HENMT1: variants seen among roughly 807,000 people sequenced by gnomAD.
HENMT1 encodes the protein small RNA 2'-O-methyltransferase.
HENMT1 carries 27 observed loss-of-function variants against 31.1 expected under a neutral mutation model. That is an observed-to-expected ratio of 0.87 (90% CI 0.64 to 1.20). The LOEUF is 1.20. Among genes scored for constraint, HENMT1 ranks in the 50% most tolerant of loss-of-function variants. HENMT1 has a pLI of 0.00. For missense variants in HENMT1, 438 were observed against 469.6 expected (o/e 0.93, Z 0.62); for synonymous variants, 167 against 172.2 (o/e 0.97, Z 0.24).
chr1:108,661,098 A>G (rs1658457879), upstream of HENMT1: 1 of 662,632 alleles, frequency 1.5e-6, no homozygotes, highest in Non-Finnish European at 1.9e-6. Context: ...ACGCCCGCGC[A>G]CGCACGGCCT....
intron 2 of HENMT1, among the ~76,000 whole-genome samples, chr1:108,659,163 G>A (rs1264204519): frequency 1.3e-5 from 2 of 151,940 alleles, no homozygotes; most frequent in African/African-American, 2.4e-5. Flanking sequence ...TGTCTGTATT[G>A]GATTTAAAAA....
In HENMT1 at chr1:108,655,580, T is replaced by C. The variant is rs368112855; in HGVS notation, c.263+6A>G. ...ACGCATAATTCTTTCAGAAACTAAG[T>C]ATTACCCTCTCCATCGTAATTTATC... On this transcript the variant is annotated splice_donor_region_variant and intron_variant, in intron 4 of 7. Transcript: ENST00000651461. 6.1e-6 allele frequency: 9 copies of C among 1,470,556 alleles called. No homozygotes were observed. Among genetic ancestry groups the C allele is most frequent in the Non-Finnish European group, 8.5e-6 (9 of 1,054,716 alleles). The allele number at this position is 1,470,556 out of a possible 1,614,324, so 91.1% of individuals were successfully genotyped here.
chr1:108,652,278 A>T (rs917973301), intron 5 of HENMT1, among the ~76,000 whole-genome samples: 1 of 152,256 alleles, frequency 6.6e-6, no homozygotes, highest in Non-Finnish European at 1.5e-5. Flanking sequence ...ATAGAATTAC[A>T]TGGTTATGGT....
In HENMT1 at chr1:108,650,330, G is replaced by T. The variant is rs2100995584; in HGVS notation, c.637C>A (p.Pro213Thr). Residue 213 changes from proline (P) to threonine (T), a missense_variant, in exon 7 of 8, where the codon CCA becomes ACA. Pro to Thr is a conservative substitution (Grantham distance 38, BLOSUM62 -1). Transcript: ENST00000651461. ...CCAACATTCTCAGCTCCAGCTGGTG[G>T]TTCCCCGACACCAGTAAACTCCACA... ...YSVEFTGVGE[P>T]PAGAENVGYC... is the part of the protein sequence containing the mutation. The T allele has an allele frequency of 1.1e-5, 17 of 1,614,058 alleles. No individual in the cohort carries two copies. The highest frequency in any genetic ancestry group is 1.4e-5 in the Non-Finnish European group (16 of 1,179,972).
chr1:108,657,516 G>C lies in HENMT1; in HGVS notation c.85C>G (p.Pro29Ala), dbSNP rs1346829969. 4 of 1,611,668 alleles carry C rather than the reference G, an allele frequency of 2.5e-6. No homozygotes were observed. The highest frequency in any genetic ancestry group is 1.7e-5 in the Admixed American group (1 of 59,962). The change falls in exon 3 of 8, where the codon CCT (proline) becomes GCT (alanine). Residue 29 changes from proline (P) to alanine (A), a missense_variant. Physicochemically the swap from Pro to Ala is conservative, Grantham distance 27 (BLOSUM62 -1). Coordinates refer to ENST00000651461, the MANE Select transcript of HENMT1 (RefSeq NM_001102592.2). ...VPRETAIQFK[P>A]PLYRQRYQFV... ...TGGTACCGCTGTCTGTATAGTGGAG[G>C]TTTAAACTGAATTGCCGTCTCCCTG...
chr1:108,657,510 G>A lies in HENMT1; in HGVS notation c.91C>T (p.Leu31=). ...RETAIQFKPP[L]YRQRYQFVKN... ...ACGAACTGGTACCGCTGTCTGTATA[G>A]TGGAGGTTTAAACTGAATTGCCGTC... is the stretch of plus-strand genomic sequence containing the variant. Residue 31 remains leucine, a synonymous_variant, in exon 3 of 8, where the codon CTA becomes TTA. Transcript: ENST00000651461. 6.2e-7 allele frequency: 1 copy of A among 1,611,250 alleles called. No individual in the cohort carries two copies. The highest frequency in any genetic ancestry group is 8.5e-7 in the Non-Finnish European group (1 of 1,177,418).
At position 108,651,179 on chromosome 1, in the gene HENMT1, G is replaced by C. The variant is rs1557738807; in HGVS notation, c.429C>G (p.Ala143=). The C allele has an allele frequency of 6.2e-7, 1 of 1,613,840 alleles. No individual in the cohort carries two copies. The highest frequency in any genetic ancestry group is 1.1e-5 in the South Asian group (1 of 91,008). Residue 143 remains alanine, a synonymous_variant, in exon 6 of 8, where the codon GCC becomes GCG. Coordinates refer to ENST00000651461, the MANE Select transcript of HENMT1 (RefSeq NM_001102592.2). ...ACCCAAATACCACTTCAGGAAATCTGGCCAGATCACCTGAATCCAAATGTT... is the reference window on the plus strand; with the variant it reads ...ACCCAAATACCACTTCAGGAAATCTCGCCAGATCACCTGAATCCAAATGTT... ...LIEHLDSGDL[A]RFPEVVFGYL...
intron 5 of HENMT1, among the ~76,000 whole-genome samples, chr1:108,653,776 T>C (rs1042964415): frequency 1.3e-5 from 2 of 152,218 alleles, no homozygotes; most frequent in Non-Finnish European, 2.9e-5. Flanking sequence ...GGGGTTTTTT[T>C]GCTGTTGAGA....
rs58348990 is a variant in HENMT1 at position 108,658,046 on chromosome 1, T to TAC, written c.22-469_22-468dup. Among the ~76,000 whole-genome samples the TAC allele has an allele frequency of 6.6e-4, 92 of 140,452 alleles. No homozygotes were observed. In the East Asian group the frequency reaches 6.6e-3, roughly 10 times the overall value. The allele number at this position is 140,452 out of a possible 152,430, so 92.1% of individuals were successfully genotyped here. A position where few individuals can be genotyped will look rare whatever the true frequency, so the allele number is the denominator to read the frequency against. On this transcript the variant is annotated intron_variant, in intron 2 of 7. Transcript: ENST00000651461. ...ACACTTACACACACACACATATATA[T>TAC]ACACACACACACACATATATATGTA...
At chr1:108,660,764 A>T (rs1658434307) in intron 1 of HENMT1, among the ~76,000 whole-genome samples, 199 bp downstream of exon 1, 1 of 151,660 alleles carries the variant, frequency 6.6e-6, no homozygotes, top group Non-Finnish European at 1.5e-5. Flanking sequence ...CTCTACTAAA[A>T]ATACAAAAAA....
rs530944310 is a variant in HENMT1 at position 108,660,930 on chromosome 1, A to G, written c.-79+33T>C. 3 of 973,530 alleles carry G rather than the reference A, an allele frequency of 3.1e-6. No homozygotes were observed. In the African/African-American group the frequency reaches 5.3e-5, roughly 17 times the overall value. The allele number at this position is 973,530 out of a possible 1,614,324, so 60.3% of individuals were successfully genotyped here. A position where few individuals can be genotyped will look rare whatever the true frequency, so the allele number is the denominator to read the frequency against. On this transcript the variant is annotated intron_variant, in intron 1 of 7. Coordinates refer to ENST00000651461, the MANE Select transcript of HENMT1 (RefSeq NM_001102592.2). ...CAGAGCGAGACTCCGTCTCAAAAAA[A>G]AAAAAAGAAAAAGAAAAAGAAACCC...
chr1:108,650,823 G>A (rs185586161), intron 6 of HENMT1, among the ~76,000 whole-genome samples: 49 of 152,230 alleles, frequency 3.2e-4, no homozygotes, highest in Non-Finnish European at 4.3e-4. Flanking sequence ...CACATAAAAG[G>A]TGCCCAGTAA....
chr1:108,660,910 C>A, intron 1 of HENMT1, 53 bp downstream of exon 1: 1 of 852,478 alleles, frequency 1.2e-6, no homozygotes, highest in South Asian at 5.4e-5. Flanking sequence ...GGCGACAGAG[C>A]GAGACTCCGT....
chr1:108,655,805 TAATG>T, intron 3 of HENMT1, 107 bp from the exon 4 acceptor site: 1 of 518,284 alleles, frequency 1.9e-6, no homozygotes. Context: ...AGTAATAAAA[TAATG>T]AAAGTATTAT....
chr1:108,655,707 G>A lies in HENMT1; in HGVS notation c.151-9C>T, dbSNP rs774677613. ...CATCCCAGGTCTGCAACCTGTAGAT[G>A]AGACAGAATGTTATTTCAAAGACAT... is the stretch of plus-strand genomic sequence containing the variant. On this transcript the variant is annotated splice_polypyrimidine_tract_variant and intron_variant, in intron 3 of 7. Transcript: ENST00000651461. 1.3e-6 allele frequency: 2 copies of A among 1,555,868 alleles called. No homozygotes were observed. The highest frequency in any genetic ancestry group is 1.8e-6 in the Non-Finnish European group (2 of 1,140,032).
chr1:108,648,513 TA>T lies in HENMT1; in HGVS notation c.*52del. On this transcript the variant is annotated 3_prime_UTR_variant, in exon 8 of 8. Transcript: ENST00000651461. ...GGATTACACAAAAAAAACTAAATTC[TA>T]AGTGAGCACAACTATCGCTGAGACC... 6.8e-7 allele frequency: 1 copy of T among 1,470,606 alleles called. No individual in the cohort carries two copies. The highest frequency in any genetic ancestry group is 9.3e-7 in the Non-Finnish European group (1 of 1,079,794). The allele number at this position is 1,470,606 out of a possible 1,614,324, so 91.1% of individuals were successfully genotyped here. A position where few individuals can be genotyped will look rare whatever the true frequency, so the allele number is the denominator to read the frequency against.
At chr1:108,660,872 C>G (rs1658440764) in intron 1 of HENMT1, 91 bp downstream of exon 1, 2 of 535,206 alleles carry the variant, frequency 3.7e-6, no homozygotes, top group South Asian at 1.6e-4. Flanking sequence ...TGCAGTGAGC[C>G]GAGATCCCGC....
chr1:108,660,461 A>T (rs1177985126), intron 1 of HENMT1, among the ~76,000 whole-genome samples: 1 of 152,212 alleles, frequency 6.6e-6, no homozygotes, highest in Non-Finnish European at 1.5e-5. Context: ...CATCGTCAAA[A>T]TGAAATTTCG....
At position 108,648,434 on chromosome 1, in the gene HENMT1, A is replaced by G. The variant is rs898610164; in HGVS notation, c.*132T>C. ...GCCATATCTCAAGCAGGTCTGTCCAATGGCTTGGAACATAGACTTTTGCAG... is the reference window on the plus strand; with the variant it reads ...GCCATATCTCAAGCAGGTCTGTCCAGTGGCTTGGAACATAGACTTTTGCAG... On this transcript the variant is annotated 3_prime_UTR_variant, in exon 8 of 8. Transcript: ENST00000651461. The G allele has an allele frequency of 1.7e-5, 13 of 775,222 alleles. No homozygotes were observed. The highest frequency in any genetic ancestry group is 1.1e-4 in the South Asian group (6 of 53,530). 48.0% of individuals were successfully genotyped at this position (775,222 alleles called of 1,614,324 possible).
Sources: gnomAD v4.1 joint callset for allele counts (sites outside exome capture counted in the v4.1 genomes callset) on GRCh38, gnomAD v4.1.1 for gene constraint, MANE v1.5 for transcripts, NCBI Gene and HGNC (gene_info 2026-07-23, HGNC 2026-07-21) for gene names.